The following FGF12 variants were observed in gnomAD, a reference collection of about 807,000 sequenced individuals.
FGF12 encodes fibroblast growth factor 12, also known as fibroblast growth factor 12B.
Under a neutral mutation model 23.6 loss-of-function variants are expected in FGF12, and 14 were observed. The observed-to-expected ratio is 0.59, with a 90% CI of 0.39 to 0.93. The LOEUF is 0.93. Ranked by LOEUF, FGF12 falls within the 40% of genes least tolerant of loss-of-function variation. FGF12 has a pLI of 0.00. For missense variants in FGF12, 175 were observed against 217.8 expected, an observed-to-expected ratio of 0.80 and a Z score of 1.24; for synonymous variants, 62 against 77.3, an observed-to-expected ratio of 0.80 and a Z score of 1.04.
At chr3:192,670,298 T>C (rs140226609) in intron 2 of FGF12, among the ~76,000 whole-genome samples, 1 of 152,274 alleles carries the variant, frequency 6.6e-6, no homozygotes, top group East Asian at 1.9e-4. Context: ...TAGTAGCATG[T>C]AATAATTTTA....
At chr3:192,395,307 G>C (rs979576617) in intron 2 of FGF12, among the ~76,000 whole-genome samples, 1 of 152,178 alleles carries the variant, frequency 6.6e-6, no homozygotes, top group African/African-American at 2.4e-5. Context: ...AGAAGGGATG[G>C]CCATTAGGAG....
Position 192,198,036 on chromosome 3 carries a change from C to T in FGF12, c.229-27380G>A, listed in dbSNP as rs139057623. ...TTTTTTTTTTTAACTTCTTCTCTCA[C>T]AATATCAGCAAATTTGCTGTCAACA... On this transcript the variant is annotated intron_variant, in intron 4 of 5. Transcript: ENST00000445105. Among the ~76,000 whole-genome samples, 78 of 149,270 alleles carry T rather than the reference C, an allele frequency of 5.2e-4. 1 individual carries two copies. The highest frequency in any genetic ancestry group is 1.9e-3 in the African/African-American group (76 of 40,488).
chr3:192,328,384 A>T (rs1207808218), intron 4 of FGF12, among the ~76,000 whole-genome samples: 1 of 152,200 alleles, frequency 6.6e-6, no homozygotes, highest in Non-Finnish European at 1.5e-5. Flanking sequence ...ACAGACGCCA[A>T]TGACATCTCT....
At chr3:192,321,279 C>T (rs1312838684) in intron 4 of FGF12, among the ~76,000 whole-genome samples, 1 of 151,922 alleles carries the variant, frequency 6.6e-6, no homozygotes, top group Non-Finnish European at 1.5e-5. Flanking sequence ...CCGAACAGAC[C>T]AGTAACAAGT....
chr3:192,705,723 T>C (rs1403954647), intron 2 of FGF12, among the ~76,000 whole-genome samples: 1 of 152,120 alleles, frequency 6.6e-6, no homozygotes, highest in African/African-American at 2.4e-5. Flanking sequence ...TTTAGAAAAA[T>C]GGTGCCAATA....
intron 2 of FGF12, among the ~76,000 whole-genome samples, chr3:192,719,864 G>C (rs900502665): frequency 6.6e-6 from 1 of 151,274 alleles, no homozygotes; most frequent in Non-Finnish European, 1.5e-5. Context: ...AGATTTTTCA[G>C]TTCCCAAGTA....
intron 2 of FGF12, among the ~76,000 whole-genome samples, chr3:192,581,100 CAGTG>C (rs1713116289): frequency 6.6e-6 from 1 of 151,896 alleles, no homozygotes. Flanking sequence ...ATAATATACT[CAGTG>C]AGAAGGGAAT....
chr3:192,453,039 G>A (rs576418431), intron 2 of FGF12, among the ~76,000 whole-genome samples: 8 of 152,038 alleles, frequency 5.3e-5, no homozygotes, highest in African/African-American at 9.6e-5. Flanking sequence ...TTGTCCTTTC[G>A]TTCTGGGACT....
At chr3:192,303,359 A>G (rs1239851085) in intron 4 of FGF12, among the ~76,000 whole-genome samples, 3 of 152,108 alleles carry the variant, frequency 2.0e-5, no homozygotes, top group Admixed American at 6.6e-5. Flanking sequence ...GCTAATGTCA[A>G]CCTAGACTCA....
intron 5 of FGF12, among the ~76,000 whole-genome samples, chr3:192,148,529 G>A (rs761613741): frequency 6.6e-6 from 1 of 152,164 alleles, no homozygotes; most frequent in Non-Finnish European, 1.5e-5. Flanking sequence ...GGATGATGGT[G>A]ATGTTTGCAC....
At chr3:192,228,004 T>A (rs2108580576) in intron 4 of FGF12, among the ~76,000 whole-genome samples, 1 of 152,226 alleles carries the variant, frequency 6.6e-6, no homozygotes, top group Middle Eastern at 3.4e-3. Context: ...CATGGGGGGA[T>A]GAGGAAAGAG....
chr3:192,274,588 G>A (rs983657095), intron 4 of FGF12, among the ~76,000 whole-genome samples: 1 of 127,716 alleles, frequency 7.8e-6, no homozygotes, highest in African/African-American at 2.8e-5. Context: ...AGAGAGAAGA[G>A]GGGAAAGAGA....
intron 2 of FGF12, among the ~76,000 whole-genome samples, chr3:192,453,396 T>G (rs1483985291): frequency 6.6e-6 from 1 of 152,164 alleles, no homozygotes; most frequent in Non-Finnish European, 1.5e-5. Context: ...CTGACCATTC[T>G]AATATATGAA....
At chr3:192,429,290 G>A (rs1254160502) in intron 2 of FGF12, among the ~76,000 whole-genome samples, 4 of 152,086 alleles carry the variant, frequency 2.6e-5, no homozygotes, top group African/African-American at 4.8e-5. Flanking sequence ...ACTGGCTTGT[G>A]AAGGATCACT....
At chr3:192,629,682 T>C (rs1715311066) in intron 2 of FGF12, among the ~76,000 whole-genome samples, 1 of 152,078 alleles carries the variant, frequency 6.6e-6, no homozygotes. Flanking sequence ...TCCCAATTCA[T>C]GAATACAAAA....
rs2108579055 is a variant in FGF12, at chr3:192,146,139, A to G, written c.428-2012T>C. ...TACACATCTGCAGGTCACCCCACAG[A>G]TTGCTAAATCAGAATCTCAATGAAT... is the stretch of plus-strand genomic sequence containing the variant. On this transcript the variant is annotated intron_variant, in intron 5 of 5. Transcript: ENST00000445105. Among the ~76,000 whole-genome samples the G allele has an allele frequency of 1.3e-5, 2 of 152,308 alleles. 1 individual carries two copies. Among genetic ancestry groups the G allele is most frequent in the African/African-American group, 4.8e-5 (2 of 41,574 alleles).
chr3:192,157,545 C>A (rs1451552565), intron 5 of FGF12, among the ~76,000 whole-genome samples: 2 of 152,120 alleles, frequency 1.3e-5, no homozygotes, highest in Non-Finnish European at 2.9e-5. Context: ...CTATTACATT[C>A]TTTTCATGGG....
At chr3:192,588,348 T>C (rs1217030723) in intron 2 of FGF12, among the ~76,000 whole-genome samples, 1 of 16,564 alleles carries the variant, frequency 6.0e-5, no homozygotes, top group Non-Finnish European at 1.1e-4. Flanking sequence ...ACAATCCGTC[T>C]CAAAAAAAAA....
rs144038028 is a variant in FGF12, at chr3:192,413,759, A to G, written c.14-53221T>C. On this transcript the variant is annotated intron_variant, in intron 2 of 5. Transcript: ENST00000445105. ...CACAAAGAAGTCTAGCTCTGCTCAT[A>G]CATCATCTTGCTCTGAGATCAGGCC... is the stretch of plus-strand genomic sequence containing the variant. 5.3e-5 allele frequency among the ~76,000 whole-genome samples: 8 copies of G among 152,338 alleles called. No individual in the cohort carries two copies. The East Asian group carries it at 1.5e-3, about 29-fold the overall frequency.
Sources: allele counts gnomAD v4.1 joint callset (sites outside exome capture counted in the v4.1 genomes callset), GRCh38; gene constraint gnomAD v4.1.1; transcripts MANE v1.5; gene names NCBI Gene and HGNC (gene_info 2026-07-23, HGNC 2026-07-21).